CCDC136: variants seen among roughly 807,000 people sequenced by gnomAD.
CCDC136 encodes the protein coiled-coil domain-containing protein 136.
CCDC136 carries 100 observed loss-of-function variants against 141.2 expected under a neutral mutation model. The observed-to-expected ratio is 0.71, with a 90% confidence interval of 0.60 to 0.84. The LOEUF (loss-of-function observed/expected upper bound fraction) is 0.84, where lower values mean the gene tolerates loss of function less well. CCDC136 is among the 40% of genes least tolerant of loss of function. CCDC136 has a pLI of 0.00. For missense variants in CCDC136, 1,206 were observed against 1,379.4 expected (o/e 0.87, Z 1.99); for synonymous variants, 474 against 531.9 (o/e 0.89, Z 1.50).
chr7:128,806,528 C>A, intron 8 of CCDC136, 133 bp downstream of exon 8: 2 of 1,081,982 alleles, frequency 1.8e-6, no homozygotes, highest in Non-Finnish European at 2.6e-6. Context: ...AGGTAAAGAA[C>A]TCCAGCCCTG....
At position 128,805,716 on chromosome 7, in the gene CCDC136, T is replaced by C. The variant is rs756377920; in HGVS notation, c.949-45T>C. 1.2e-6 allele frequency: 2 copies of C among 1,605,562 alleles called. No individual in the cohort carries two copies. Among genetic ancestry groups the C allele is most frequent in the Non-Finnish European group, 1.7e-6 (2 of 1,175,278 alleles). ...CCCAAGCTTGTTCTTGGAGCATATG[T>C]GGTATCTGTAGTAAACAAGCCTCCC... On this transcript the variant is annotated intron_variant, in intron 6 of 17. Transcript: ENST00000297788. The surrounding 1 kb of genome is among the most constrained non-coding windows in gnomAD (Gnocchi z 4.6).
At chr7:128,808,582 C>CT (rs1183173741) in intron 10 of CCDC136, 5 of 985,304 alleles carry the variant, frequency 5.1e-6, no homozygotes, top group South Asian at 4.7e-5. Context: ...CCAAGAGTCT[C>CT]TAACGATGGT....
chr7:128,799,324 A>G (rs1803621018), intron 3 of CCDC136, among the ~76,000 whole-genome samples: 1 of 152,030 alleles, frequency 6.6e-6, no homozygotes, highest in Admixed American at 6.6e-5. Flanking sequence ...AGCCTGGGCA[A>G]CAGAACAAGA....
intron 1 of CCDC136, 124 bp downstream of exon 1, chr7:128,792,551 C>T (rs1802341136): frequency 1.4e-6 from 1 of 690,902 alleles, no homozygotes; most frequent in South Asian, 2.0e-5. Context: ...ATCTTAGCCC[C>T]TCTTCCTGCA....
rs1470565489 is a variant in CCDC136 at position 128,821,151 on chromosome 7, G to A, written c.*6-648G>A. On this transcript the variant is annotated intron_variant, in intron 17 of 17. Coordinates refer to ENST00000297788, the MANE Select transcript of CCDC136 (RefSeq NM_022742.5). The surrounding 1 kb of genome is among the most constrained non-coding windows in gnomAD (Gnocchi z 5.1). ...AATCAGCAGGGTTCCCTAGTGGCCG[G>A]CAGTGTCTGGAAGCCTCAGCATACT... Among the ~76,000 whole-genome samples the A allele has an allele frequency of 6.6e-6, 1 of 152,168 alleles. No homozygotes were observed. The highest frequency in any genetic ancestry group is 1.5e-5 in the Non-Finnish European group (1 of 68,026).
At chr7:128,791,868 C>G (rs1318649559), upstream of CCDC136, 1 of 399,312 alleles carries the variant, frequency 2.5e-6, no homozygotes, top group Non-Finnish European at 4.1e-6. This position sits in a 1 kb window ranked among gnomAD's most constrained non-coding sequence, Gnocchi z 7.1. Flanking sequence ...GAGCGCGGGG[C>G]GAGGGTGGGG....
At chr7:128,796,605 A>G (rs1258328397) in intron 3 of CCDC136, among the ~76,000 whole-genome samples, 2 of 151,760 alleles carry the variant, frequency 1.3e-5, no homozygotes, top group Non-Finnish European at 2.9e-5. Context: ...AAGTGGAAAC[A>G]CTTAAGATGG....
intron 17 of CCDC136, among the ~76,000 whole-genome samples, chr7:128,820,000 A>G (rs938807485): frequency 1.3e-5 from 2 of 152,366 alleles, no homozygotes; most frequent in African/African-American, 2.4e-5. Context: ...CTTCAAAGGC[A>G]GAATTTTCCA....
intron 13 of CCDC136, 72 bp from the exon 14 acceptor site, chr7:128,812,636 A>G: frequency 8.4e-7 from 1 of 1,190,580 alleles, no homozygotes; most frequent in Non-Finnish European, 1.2e-6. Flanking sequence ...GTATCCAGGG[A>G]AGGGCCCAGC....
rs1805266599 is a variant in CCDC136 at position 128,808,846 on chromosome 7, G to A, written c.1606-604G>A. On this transcript the variant is annotated intron_variant, in intron 10 of 17. Transcript: ENST00000297788. ...AGAAGCATGCTGGCAGACAGCACCT[G>A]CTTTTTCTCTAGCCGTAAAACAGCA... is the stretch of plus-strand genomic sequence containing the variant. 7 of 985,426 alleles carry A rather than the reference G, an allele frequency of 7.1e-6. No homozygotes were observed. In the African/African-American group the frequency reaches 8.7e-5, roughly 12 times the overall value. The allele number at this position is 985,426 out of a possible 1,614,324, so 61.0% of individuals were successfully genotyped here.
chr7:128,793,484 A>G (rs1210775466), intron 1 of CCDC136, among the ~76,000 whole-genome samples: 1 of 152,182 alleles, frequency 6.6e-6, no homozygotes, highest in Non-Finnish European at 1.5e-5. Context: ...AGGGCGCCCG[A>G]GTTTGTCCAA....
chr7:128,795,904 A>G (rs993875690), intron 3 of CCDC136, among the ~76,000 whole-genome samples: 1 of 152,214 alleles, frequency 6.6e-6, no homozygotes, highest in Non-Finnish European at 1.5e-5. Context: ...AATAAACAAC[A>G]CAAGTTCAGA....
In CCDC136 at chr7:128,819,074, A is replaced by G. The variant is rs550898009; in HGVS notation, c.*5+1210A>G. On this transcript the variant is annotated intron_variant, in intron 17 of 17. Transcript: ENST00000297788. ...GTATTCCCTTTACTCCCTGGTCCACAACTGCTTTAGTGACGGGGCCCCTCT... is the reference window on the plus strand; with the variant it reads ...GTATTCCCTTTACTCCCTGGTCCACGACTGCTTTAGTGACGGGGCCCCTCT... Among the ~76,000 whole-genome samples the G allele has an allele frequency of 3.9e-5, 6 of 152,268 alleles. No individual in the cohort carries two copies. In the South Asian group the frequency reaches 1.2e-3, roughly 32 times the overall value.
chr7:128,798,833 A>G (rs908520653), intron 3 of CCDC136, among the ~76,000 whole-genome samples: 15 of 152,086 alleles, frequency 9.9e-5, no homozygotes, highest in African/African-American at 3.4e-4. Flanking sequence ...ATCAGTTAAT[A>G]GTTGTTGAAT....
chr7:128,806,896 C>A, intron 9 of CCDC136, 38 bp downstream of exon 9: 1 of 1,558,024 alleles, frequency 6.4e-7, no homozygotes, highest in Non-Finnish European at 8.7e-7. Flanking sequence ...TGTAGCCAGG[C>A]ATCATCTTGT....
chr7:128,801,988 T>C (rs1057305629), intron 4 of CCDC136, among the ~76,000 whole-genome samples: 37 of 152,296 alleles, frequency 2.4e-4, no homozygotes, highest in African/African-American at 8.7e-4. Flanking sequence ...ACCTGTCACC[T>C]TGGGAAACTC....
intron 3 of CCDC136, among the ~76,000 whole-genome samples, chr7:128,796,187 G>C (rs1329334858): frequency 6.6e-6 from 1 of 152,132 alleles, no homozygotes; most frequent in Non-Finnish European, 1.5e-5. Context: ...TGTTGGCCAG[G>C]CTGGTCTTGA....
In CCDC136 at chr7:128,794,916, T is replaced by TGAAGAACAAG; in HGVS notation, c.346+148_346+149insGAAGAACAAG. The TGAAGAACAAG allele has an allele frequency of 1.5e-6, 1 of 649,006 alleles. No homozygotes were observed. The allele number at this position is 649,006 out of a possible 1,614,324, so 40.2% of individuals were successfully genotyped here. On this transcript the variant is annotated intron_variant, in intron 3 of 17. Coordinates refer to ENST00000297788, the MANE Select transcript of CCDC136 (RefSeq NM_022742.5). The surrounding 1 kb of genome is among the most constrained non-coding windows in gnomAD (Gnocchi z 4.3). ...ATTTTCCTCTACTAGTCTCACCCTT[T>TGAAGAACAAG]TCCTCTCCTTGTCTCTCCATCCTCC... is the stretch of plus-strand genomic sequence containing the variant.
intron 17 of CCDC136, among the ~76,000 whole-genome samples, chr7:128,819,592 T>C (rs566983203): frequency 6.6e-6 from 1 of 152,346 alleles, no homozygotes; most frequent in East Asian, 1.9e-4. Context: ...TGTCAGGCAC[T>C]GTTCTAATCA....
Sources: gnomAD v4.1 joint callset for allele counts (sites outside exome capture counted in the v4.1 genomes callset) on GRCh38, gnomAD v4.1.1 for gene constraint, Gnocchi (gnomAD v3.1) non-coding constraint, MANE v1.5 for transcripts, NCBI Gene and HGNC (gene_info 2026-07-23, HGNC 2026-07-21) for gene names.